The following ANKLE2 variants were observed in gnomAD, a reference collection of about 807,000 sequenced individuals.
ANKLE2 encodes the protein ankyrin repeat and LEM domain-containing protein 2.
Under a neutral mutation model 84.2 loss-of-function variants are expected in ANKLE2, and 55 were observed. The observed-to-expected ratio is 0.65, with a 90% confidence interval of 0.53 to 0.82. The LOEUF is 0.82. Among genes scored for constraint, ANKLE2 ranks in the 40% least tolerant of loss-of-function variants. The pLI is 0.00. For synonymous variants in ANKLE2, 551 were observed against 486.1 expected (o/e 1.13, Z -1.76); for missense variants, 1,238 against 1,201.9 (o/e 1.03, Z -0.44).
chr12:132,741,391 C>T (rs138911537), intron 7 of ANKLE2, 28 bp downstream of exon 7: 36 of 1,611,268 alleles, frequency 2.2e-5, no homozygotes, highest in Middle Eastern at 3.3e-4. Context: ...GTGGACCCCA[C>T]GATCCAGGCA....
Position 132,750,831 on chromosome 12 carries a change from T to C in ANKLE2, c.659A>G (p.Glu220Gly), listed in dbSNP as rs771090157. ...PARNERIYVY[E>G]NKKEALQAVK... ...AGCTTGCAATGCTTCCTTTTTATTTTCATAAACATAGATCCTTTCTGGGTA... is the reference window on the plus strand; with the variant it reads ...AGCTTGCAATGCTTCCTTTTTATTTCCATAAACATAGATCCTTTCTGGGTA... Residue 220 changes from glutamate (E) to glycine (G), a missense_variant, in exon 3 of 13, where the codon GAA becomes GGA. Coordinates refer to ENST00000357997, the MANE Select transcript of ANKLE2 (RefSeq NM_015114.3). 1.9e-6 allele frequency: 3 copies of C among 1,613,940 alleles called. No homozygotes were observed. The highest frequency in any genetic ancestry group is 2.2e-5 in the East Asian group (1 of 44,900).
rs569896326 is a variant in ANKLE2, at chr12:132,740,478, T to G, written c.1420+941A>C. 2.6e-5 allele frequency among the ~76,000 whole-genome samples: 4 copies of G among 152,296 alleles called. No homozygotes were observed. The South Asian group carries it at 8.3e-4, about 32-fold the overall frequency. On this transcript the variant is annotated intron_variant, in intron 7 of 12. Coordinates refer to ENST00000357997, the MANE Select transcript of ANKLE2 (RefSeq NM_015114.3). ...GCTTTATGCTGATAAAATTTTATTT[T>G]TAAAAGCAGTCATTTGCGGACCCTG...
chr12:132,754,988 A>G lies in ANKLE2; in HGVS notation c.327T>C (p.Ala109=), dbSNP rs1020089708. The change falls in exon 2 of 13, where the codon GCT becomes GCC. Residue 109 remains alanine (A), a synonymous_variant. Coordinates refer to ENST00000357997, the MANE Select transcript of ANKLE2 (RefSeq NM_015114.3). ...ACAGCCTTCCTCCTTGCTCCAGTAA[A>G]GCCTGAGCCAATTTTTTCTCAAAAA... is the stretch of plus-strand genomic sequence containing the variant. ...RFIFEKKLAQ[A]LLEQGGRLSS... The G allele has an allele frequency of 6.2e-7, 1 of 1,614,076 alleles. No individual in the cohort carries two copies. Among genetic ancestry groups the G allele is most frequent in the Non-Finnish European group, 8.5e-7 (1 of 1,180,056 alleles).
chr12:132,727,807 C>A (rs542313955), intron 12 of ANKLE2, among the ~76,000 whole-genome samples: 1 of 152,170 alleles, frequency 6.6e-6, no homozygotes, highest in African/African-American at 2.4e-5. Context: ...GCTGCTTCCA[C>A]CCTTCTAGCC....
intron 8 of ANKLE2, among the ~76,000 whole-genome samples, chr12:132,736,185 C>T (rs921021775): frequency 5.3e-5 from 8 of 152,186 alleles, no homozygotes; most frequent in Admixed American, 2.0e-4. Context: ...CTCCTGACCT[C>T]GTGATCCACC....
chr12:132,749,005 CG>C (rs1490558628), intron 3 of ANKLE2: 4 of 151,898 alleles, frequency 2.6e-5, no homozygotes, highest in African/African-American at 4.8e-5. Context: ...TCACCACACC[CG>C]GCCAGTGAAC....
At chr12:132,730,928 AC>A (rs1395977116) in intron 10 of ANKLE2, 1 of 152,152 alleles carries the variant, frequency 6.6e-6, no homozygotes, top group Non-Finnish European at 1.5e-5. Context: ...ACCCCCAGCC[AC>A]CCTCCAGCTC....
chr12:132,727,384 G>C lies in ANKLE2; in HGVS notation c.2675C>G (p.Pro892Arg). Reference protein sequence around the residue: ...FKSQLPDLSGPHSYSPGRNSV... With the variant: ...FKSQLPDLSGRHSYSPGRNSV... ...GTTTCTCCCCGGACTGTAGCTGTGAGGGCCACTGAGATCTGGCAGCTGAGA... is the reference window on the plus strand; with the variant it reads ...GTTTCTCCCCGGACTGTAGCTGTGACGGCCACTGAGATCTGGCAGCTGAGA... Residue 892 changes from proline to arginine, a missense_variant, in exon 13 of 13, where the codon CCT becomes CGT. This residue lies in a region of ANKLE2 where 802 missense variants were observed against 774.5 expected (regional missense o/e 1.04). Transcript: ENST00000357997. The C allele has an allele frequency of 6.4e-7, 1 of 1,561,606 alleles. No individual in the cohort carries two copies. Among genetic ancestry groups the C allele is most frequent in the Non-Finnish European group, 8.7e-7 (1 of 1,152,886 alleles).
Position 132,743,027 on chromosome 12 carries a change from G to C in ANKLE2, c.1353+127C>G. 1.3e-6 allele frequency: 1 copy of C among 792,990 alleles called. No homozygotes were observed. The highest frequency in any genetic ancestry group is 1.8e-6 in the Non-Finnish European group (1 of 540,764). The allele number at this position is 792,990 out of a possible 1,614,324, so 49.1% of individuals were successfully genotyped here. On this transcript the variant is annotated intron_variant, in intron 6 of 12. Transcript: ENST00000357997. The surrounding 1 kb of genome is among the most constrained non-coding windows in gnomAD (Gnocchi z 4.1). ...CTCAACAGCCAAGGTTCTAACATGT[G>C]CCCATAAAGCAAACACAACTCATAC...
At position 132,741,412 on chromosome 12, in the gene ANKLE2, A is replaced by T. The variant is rs1427916263; in HGVS notation, c.1420+7T>A. 8.1e-6 allele frequency: 13 copies of T among 1,613,718 alleles called. No individual in the cohort carries two copies. On this transcript the variant is annotated splice_region_variant and intron_variant, in intron 7 of 12. Coordinates refer to ENST00000357997, the MANE Select transcript of ANKLE2 (RefSeq NM_015114.3). Reference sequence around the variant, plus strand: ...CCCACGATCCAGGCACCAACTCCCCATCTTACCCTTTAAATACTCTCTGAT... The same window carrying T: ...CCCACGATCCAGGCACCAACTCCCCTTCTTACCCTTTAAATACTCTCTGAT...
chr12:132,734,972 G>C (rs760918998), intron 9 of ANKLE2: 3 of 280,668 alleles, frequency 1.1e-5, no homozygotes, highest in Non-Finnish European at 2.0e-5. Flanking sequence ...GTCCTTTCTG[G>C]GTTCCAGTTG....
chr12:132,742,184 TACACACACACACACACACACACACAC>T (rs71856305), intron 6 of ANKLE2: 1 of 192,508 alleles, frequency 5.2e-6, no homozygotes, highest in Non-Finnish European at 1.1e-5. Flanking sequence ...GAAGTACAGA[TACACACACACACACACACACACACAC>T]ACACACACAC....
intron 5 of ANKLE2, among the ~76,000 whole-genome samples, chr12:132,746,618 T>A (rs932402808): frequency 6.6e-6 from 1 of 152,210 alleles, no homozygotes; most frequent in Admixed American, 6.5e-5. Flanking sequence ...ATTCATTATT[T>A]TTTTTTAATG....
chr12:132,728,522 CCAGA>C (rs377712167), intron 11 of ANKLE2, among the ~76,000 whole-genome samples: 1 of 152,224 alleles, frequency 6.6e-6, no homozygotes, highest in African/African-American at 2.4e-5. Context: ...GCCACCACAC[CCAGA>C]CAAATATCAC....
chr12:132,730,546 GGCACAGAAGCTCACGCCT>G (rs2043820533), intron 10 of ANKLE2: 1 of 423,898 alleles, frequency 2.4e-6, no homozygotes, highest in Middle Eastern at 6.2e-4. Context: ...GCTGGGGCCA[GGCACAGAAGCTCACGCCT>G]GCAATCCCAG....
At chr12:132,752,747 G>C (rs566016871) in intron 2 of ANKLE2, among the ~76,000 whole-genome samples, 1 of 152,264 alleles carries the variant, frequency 6.6e-6, no homozygotes, top group South Asian at 2.1e-4. Context: ...GTACTCATAG[G>C]CGTCACCACA....
intron 12 of ANKLE2, 84 bp downstream of exon 12, chr12:132,727,948 T>C: frequency 2.0e-6 from 3 of 1,518,806 alleles, no homozygotes; most frequent in Non-Finnish European, 1.8e-6. Flanking sequence ...AAGCCACTGA[T>C]AGGTTCGCAT....
chr12:132,750,321 G>A (rs1487913792), intron 3 of ANKLE2, among the ~76,000 whole-genome samples: 1 of 151,990 alleles, frequency 6.6e-6, no homozygotes, highest in Non-Finnish European at 1.5e-5. Context: ...AGGAGTTTGA[G>A]GCTGCAGTGG....
intron 3 of ANKLE2, among the ~76,000 whole-genome samples, chr12:132,749,233 G>A (rs956260588): frequency 1.3e-5 from 2 of 152,108 alleles, no homozygotes; most frequent in African/African-American, 4.8e-5. Context: ...TCAGCTCACT[G>A]CAACCTCCGC....
Sources: gnomAD v4.1 joint callset for allele counts (sites outside exome capture counted in the v4.1 genomes callset) on GRCh38, gnomAD v4.1.1 for gene constraint, gnomAD v4.1.1 regional missense constraint, Gnocchi (gnomAD v3.1) non-coding constraint, MANE v1.5 for transcripts, NCBI Gene and HGNC (gene_info 2026-07-23, HGNC 2026-07-21) for gene names.